Variants in TMEM131 observed in about 807,000 individuals in gnomAD.
TMEM131 encodes 2610524E03Rik.
A neutral mutation model predicts 211.6 loss-of-function variants in TMEM131; 66 were observed. The ratio of observed to expected loss-of-function variants is 0.31; its 90% confidence interval spans 0.26 to 0.38. The LOEUF (loss-of-function observed/expected upper bound fraction) is 0.38. Ranked by LOEUF, TMEM131 falls within the 10% of genes least tolerant of loss-of-function variation. TMEM131 has a pLI of 1.00. For missense variants in TMEM131, 2,036 were observed against 2,299.3 expected, an observed-to-expected ratio of 0.89 and a Z score of 2.34; for synonymous variants, 844 against 841.3, an observed-to-expected ratio of 1.00 and a Z score of -0.06.
chr2:97,821,071 C>T (rs1559380643), intron 11 of TMEM131, among the ~76,000 whole-genome samples: 1 of 152,152 alleles, frequency 6.6e-6, no homozygotes, highest in Admixed American at 6.5e-5. Context: ...ATTTGCTCTA[C>T]TGAATATGAT....
At chr2:97,948,105 T>C (rs935349227) in intron 1 of TMEM131, among the ~76,000 whole-genome samples, 1 of 152,200 alleles carries the variant, frequency 6.6e-6, no homozygotes, top group Non-Finnish European at 1.5e-5. Context: ...GGGAAAATTT[T>C]AGTGATCTTG....
intron 1 of TMEM131, among the ~76,000 whole-genome samples, chr2:97,969,086 C>CA (rs397698283): frequency 0.73 from 103,258 of 140,870 alleles, 38,121 homozygotes; most frequent in African/African-American, 0.78. Flanking sequence ...GACTCTGTTT[C>CA]AAAAAAAAAA....
intron 3 of TMEM131, among the ~76,000 whole-genome samples, chr2:97,896,957 A>C (rs558871642): frequency 6.6e-6 from 1 of 152,050 alleles, no homozygotes; most frequent in East Asian, 1.9e-4. Context: ...CAGTCTTCTA[A>C]TCCATGAACG....
chr2:97,945,371 A>G (rs1677985071), intron 1 of TMEM131, among the ~76,000 whole-genome samples: 1 of 152,172 alleles, frequency 6.6e-6, no homozygotes. Flanking sequence ...GGAATGAGAC[A>G]GTTGTGATGG....
At chr2:97,870,877 G>C (rs766964453) in intron 4 of TMEM131, among the ~76,000 whole-genome samples, 2 of 152,204 alleles carry the variant, frequency 1.3e-5, no homozygotes, top group Admixed American at 6.5e-5. Context: ...CTGGGGAGTT[G>C]ATGTAAAATC....
At chr2:97,883,584 T>TTAA (rs1283164886) in intron 4 of TMEM131, among the ~76,000 whole-genome samples, 1 of 152,214 alleles carries the variant, frequency 6.6e-6, no homozygotes, top group African/African-American at 2.4e-5. Context: ...AGGCTAAAGG[T>TTAA]TAATTAAAAT....
Position 97,760,653 on chromosome 2 carries a change from G to A in TMEM131, c.5048C>T (p.Thr1683Ile), listed in dbSNP as rs759451360. The A allele has an allele frequency of 1.2e-6, 2 of 1,613,746 alleles. No individual in the cohort carries two copies. Among genetic ancestry groups the A allele is most frequent in the Admixed American group, 1.7e-5 (1 of 59,958 alleles). ...NGFAKVSSNK[T>I]GFSSSLGISH... ...AATGCCAAGGCTGCTGGAGAAACCTGTTTTGTTTGAAGAAACTTTAGCAAA... is the reference window on the plus strand; with the variant it reads ...AATGCCAAGGCTGCTGGAGAAACCTATTTTGTTTGAAGAAACTTTAGCAAA... The change falls in exon 38 of 41, where the codon ACA becomes ATA. Residue 1683 changes from threonine to isoleucine, a missense_variant. Transcript: ENST00000186436.
chr2:97,841,374 T>C (rs1559394257), intron 7 of TMEM131, among the ~76,000 whole-genome samples: 1 of 152,356 alleles, frequency 6.6e-6, no homozygotes, highest in South Asian at 2.1e-4. Context: ...AGCATAATTC[T>C]ATATTACCCT....
Position 97,801,915 on chromosome 2 carries a change from A to G in TMEM131, c.2698T>C (p.Phe900Leu). The G allele has an allele frequency of 6.2e-7, 1 of 1,608,150 alleles. No homozygotes were observed. The highest frequency in any genetic ancestry group is 8.5e-7 in the Non-Finnish European group (1 of 1,177,190). ...VAKIDLRTLE[F>L]QVFRNSAHPL... ...CTTACACTGTTTCTGAAGACTTGAA[A>G]TTCTAGTGTTCTCAAATCTATCTTT... The change falls in exon 25 of 41, where the codon TTT becomes CTT. Residue 900 changes from phenylalanine (F) to leucine (L), a missense_variant. Around this residue, in one of 3 missense-constraint regions of TMEM131, gnomAD observed 1,623 missense variants for 1,805.9 expected, o/e 0.90. Coordinates refer to ENST00000186436, the MANE Select transcript of TMEM131 (RefSeq NM_015348.2).
intron 15 of TMEM131, 111 bp from the exon 16 acceptor site, chr2:97,812,860 T>G: frequency 1.7e-6 from 1 of 586,938 alleles, no homozygotes; most frequent in Non-Finnish European, 2.9e-6. Context: ...CAAAATTAGC[T>G]GGGCATGGTG....
chr2:97,900,107 C>T (rs1373502972), intron 3 of TMEM131, among the ~76,000 whole-genome samples: 2 of 152,136 alleles, frequency 1.3e-5, no homozygotes, highest in Non-Finnish European at 2.9e-5. Flanking sequence ...CATCTGGTAA[C>T]ATGGTACAGG....
chr2:97,972,959 C>A (rs761679298), intron 1 of TMEM131, among the ~76,000 whole-genome samples: 15 of 152,094 alleles, frequency 9.9e-5, no homozygotes, highest in Non-Finnish European at 1.9e-4. Context: ...TAAAAAAAAT[C>A]TTTTTTAATT....
intron 1 of TMEM131, among the ~76,000 whole-genome samples, chr2:97,932,206 C>G (rs914144664): frequency 6.6e-6 from 1 of 151,376 alleles, no homozygotes; most frequent in African/African-American, 2.4e-5. Context: ...ATCAATATCT[C>G]TTTTACAGTT....
intron 1 of TMEM131, among the ~76,000 whole-genome samples, chr2:97,966,212 C>T (rs2104584609): frequency 6.6e-6 from 1 of 151,886 alleles, no homozygotes; most frequent in East Asian, 1.9e-4. Context: ...ATCGGCTGTT[C>T]TCTGCTCACT....
chr2:97,760,771 T>C, intron 37 of TMEM131, 22 bp downstream of exon 37: 1 of 1,612,796 alleles, frequency 6.2e-7, no homozygotes, highest in Non-Finnish European at 8.5e-7. Flanking sequence ...GCGTGGCAGG[T>C]CTCTGAAGCA....
Position 97,762,219 on chromosome 2 carries a change from C to A in TMEM131, c.4724-19G>T, listed in dbSNP as rs753953827. ...TCAGTAGCTGGAAATTAAAAACAAA[C>A]GGGCTCGTTAGTGTGGTGTTTTGAT... On this transcript the variant is annotated intron_variant, in intron 35 of 40. Transcript: ENST00000186436. 6.2e-7 allele frequency: 1 copy of A among 1,613,246 alleles called. No homozygotes were observed. The highest frequency in any genetic ancestry group is 8.5e-7 in the Non-Finnish European group (1 of 1,179,432).
At chr2:97,790,154 G>A (rs1040327731) in intron 31 of TMEM131, among the ~76,000 whole-genome samples, 2 of 152,302 alleles carry the variant, frequency 1.3e-5, no homozygotes, top group African/African-American at 4.8e-5. Flanking sequence ...GGGTGTGGGG[G>A]TAGGCTTTTG....
At chr2:97,838,151 G>A (rs1683017444) in intron 7 of TMEM131, among the ~76,000 whole-genome samples, 1 of 152,160 alleles carries the variant, frequency 6.6e-6, no homozygotes, top group African/African-American at 2.4e-5. Context: ...TAAAGAGAAA[G>A]CTGCTGTGGA....
intron 1 of TMEM131, among the ~76,000 whole-genome samples, chr2:97,940,725 C>T (rs1163617620): frequency 2.0e-5 from 3 of 150,902 alleles, no homozygotes; most frequent in African/African-American, 4.9e-5. Context: ...AGGAGAATTG[C>T]GTGAACCTAG....
Sources: allele counts gnomAD v4.1 joint callset (sites outside exome capture counted in the v4.1 genomes callset), GRCh38; gene constraint gnomAD v4.1.1; regional missense constraint gnomAD v4.1.1; transcripts MANE v1.5; gene names NCBI Gene and HGNC (gene_info 2026-07-23, HGNC 2026-07-21).